Variants in LINGO2 observed in about 807,000 individuals in gnomAD.
The protein encoded by LINGO2 is leucine rich repeat and Ig domain containing 2.
Under a neutral mutation model 30.6 loss-of-function variants are expected in LINGO2, and 14 were observed. The observed-to-expected ratio is 0.46, with a 90% CI of 0.30 to 0.72. The LOEUF (loss-of-function observed/expected upper bound fraction) is 0.72, where lower values mean the gene tolerates loss of function less well. Among genes scored for constraint, LINGO2 ranks in the 30% least tolerant of loss-of-function variants. LINGO2 has a pLI of 0.07. For missense variants in LINGO2, 729 were observed against 751.7 expected, an observed-to-expected ratio of 0.97 and a Z score of 0.35; for synonymous variants, 317 against 288.5, an observed-to-expected ratio of 1.10 and a Z score of -1.00.
At chr9:28,875,994 C>A in the LINGO2 span, among the ~76,000 whole-genome samples, 1 of 151,226 alleles carries the variant, frequency 6.6e-6, no homozygotes, top group Admixed American at 6.6e-5. Flanking sequence ...TTATATTTTC[C>A]AAAAAAAATC....
At chr9:28,401,556 T>C (rs180998770) in intron 2 of LINGO2, among the ~76,000 whole-genome samples, 4 of 152,306 alleles carry the variant, frequency 2.6e-5, no homozygotes, top group Non-Finnish European at 5.9e-5. Context: ...TTGGGTTGGT[T>C]CCATGTCTTT....
intron 4 of LINGO2, among the ~76,000 whole-genome samples, chr9:28,042,498 A>T (rs1824238865): frequency 6.6e-6 from 1 of 152,206 alleles, no homozygotes; most frequent in Non-Finnish European, 1.5e-5. Flanking sequence ...TGAGTTTTGT[A>T]GAGAAGCTAT....
chr9:28,924,095 T>C, the LINGO2 span, among the ~76,000 whole-genome samples: 2 of 152,218 alleles, frequency 1.3e-5, no homozygotes, highest in African/African-American at 4.8e-5. Context: ...GCACTTTGAA[T>C]ACAATCTAAG....
chr9:28,407,923 T>C (rs1007428721), intron 2 of LINGO2, among the ~76,000 whole-genome samples: 12 of 152,200 alleles, frequency 7.9e-5, no homozygotes, highest in Middle Eastern at 6.8e-3. Flanking sequence ...TAAAACAATG[T>C]GCATTTGAAA....
the LINGO2 span, among the ~76,000 whole-genome samples, chr9:29,069,368 T>G: frequency 6.6e-6 from 1 of 151,956 alleles, no homozygotes; most frequent in South Asian, 2.1e-4. Context: ...TATTATATAA[T>G]GTATCCTAGG....
rs1820250834 is a variant in LINGO2, at chr9:28,508,707, A to T, written c.-364-32682T>A. Among the ~76,000 whole-genome samples the T allele has an allele frequency of 2.0e-5, 3 of 152,040 alleles. No homozygotes were observed. In the South Asian group the frequency reaches 6.2e-4, roughly 32 times the overall value. ...AATTCCTTTCCTTGGAGGGAGAAAAAAAATTATTTGTAAGACATTCTATGA... is the reference window on the plus strand; with the variant it reads ...AATTCCTTTCCTTGGAGGGAGAAAATAAATTATTTGTAAGACATTCTATGA... On this transcript the variant is annotated intron_variant, in intron 1 of 5. Transcript: ENST00000379992.
chr9:28,076,739 T>C (rs1355224604), intron 4 of LINGO2, among the ~76,000 whole-genome samples: 1 of 152,156 alleles, frequency 6.6e-6, no homozygotes, highest in Non-Finnish European at 1.5e-5. Context: ...TTCAAATTTT[T>C]GATTGTCAGC....
intron 5 of LINGO2, among the ~76,000 whole-genome samples, chr9:27,997,159 C>T (rs954478831): frequency 6.6e-6 from 1 of 152,106 alleles, no homozygotes; most frequent in African/African-American, 2.4e-5. Flanking sequence ...AATCAAAGCC[C>T]AGTACAACTT....
chr9:29,157,377 C>T, the LINGO2 span, among the ~76,000 whole-genome samples: 1 of 152,046 alleles, frequency 6.6e-6, no homozygotes, highest in African/African-American at 2.4e-5. Context: ...TAGAGAATGC[C>T]AAGAACAACT....
At chr9:28,742,299 C>G in the LINGO2 span, among the ~76,000 whole-genome samples, 24 of 150,946 alleles carry the variant, frequency 1.6e-4, no homozygotes, top group Admixed American at 5.3e-4. Flanking sequence ...GCACTACACA[C>G]AGGTGCTGTA....
chr9:28,233,762 T>A (rs1587286061), intron 4 of LINGO2, among the ~76,000 whole-genome samples: 2 of 152,242 alleles, frequency 1.3e-5, no homozygotes, highest in East Asian at 3.9e-4. Context: ...CACAATAGGA[T>A]AGGCACCAGG....
At chr9:28,972,610 C>T in the LINGO2 span, among the ~76,000 whole-genome samples, 78 of 152,178 alleles carry the variant, frequency 5.1e-4, no homozygotes, top group African/African-American at 1.7e-3. Context: ...TGAAAATATG[C>T]AGTCAGAAGA....
At chr9:29,174,653 G>C in the LINGO2 span, among the ~76,000 whole-genome samples, 2 of 152,090 alleles carry the variant, frequency 1.3e-5, no homozygotes, top group African/African-American at 2.4e-5. Context: ...AAATTTAAAA[G>C]TCTATTGAAG....
the LINGO2 span, among the ~76,000 whole-genome samples, chr9:29,105,267 T>C: frequency 6.6e-6 from 1 of 152,200 alleles, no homozygotes; most frequent in African/African-American, 2.4e-5. Flanking sequence ...TATCAATCCA[T>C]GAGACATAAT....
the LINGO2 span, among the ~76,000 whole-genome samples, chr9:29,020,898 G>A: frequency 6.6e-6 from 1 of 151,800 alleles, no homozygotes; most frequent in African/African-American, 2.4e-5. Context: ...TTTAAAACAA[G>A]GCATTTTTAA....
chr9:28,231,821 A>G (rs999407974), intron 4 of LINGO2, among the ~76,000 whole-genome samples: 1 of 152,126 alleles, frequency 6.6e-6, no homozygotes, highest in African/African-American at 2.4e-5. Context: ...AGAAGGCACT[A>G]AGCATGCACA....
At chr9:28,721,683 G>C in the LINGO2 span, among the ~76,000 whole-genome samples, 2 of 151,992 alleles carry the variant, frequency 1.3e-5, no homozygotes, top group African/African-American at 4.8e-5. Context: ...TGGAGAGGGA[G>C]TGAATTAGGA....
chr9:28,076,571 G>T (rs10968331), intron 4 of LINGO2, among the ~76,000 whole-genome samples: 20,881 of 149,974 alleles, frequency 0.14, 1,857 homozygotes, highest in Middle Eastern at 0.21. Flanking sequence ...TTTTATTTTT[G>T]ATCACATTCC....
chr9:29,133,661 T>C, the LINGO2 span, among the ~76,000 whole-genome samples: 3 of 152,164 alleles, frequency 2.0e-5, no homozygotes, highest in Admixed American at 6.5e-5. Flanking sequence ...GACACATTTA[T>C]TTATTGGCAA....
Sources: gnomAD v4.1 joint callset for allele counts (sites outside exome capture counted in the v4.1 genomes callset) on GRCh38, gnomAD v4.1.1 for gene constraint, MANE v1.5 for transcripts, NCBI Gene and HGNC (gene_info 2026-07-23, HGNC 2026-07-21) for gene names.